Variants in GRM5 observed in about 807,000 individuals in gnomAD.
GRM5 encodes the protein glutamate metabotropic receptor 5.
GRM5 carries 19 observed loss-of-function variants against 83.1 expected under a neutral mutation model. The ratio of observed to expected loss-of-function variants is 0.23; its 90% CI spans 0.16 to 0.34. GRM5 has a LOEUF of 0.34. GRM5 is among the 10% of genes least tolerant of loss of function. The pLI is 1.00. For synonymous variants in GRM5, 675 were observed against 633.6 expected, an observed-to-expected ratio of 1.07 and a Z score of -0.98; for missense variants, 1,160 against 1,588.3, an observed-to-expected ratio of 0.73 and a Z score of 4.58.
At chr11:89,009,900 CAAAAAAAAAAAAAAAAA>C (rs758398638) in intron 2 of GRM5, among the ~76,000 whole-genome samples, 3 of 21,688 alleles carry the variant, frequency 1.4e-4, no homozygotes, top group African/African-American at 3.5e-4. Context: ...GACTCCGTCT[CAAAAAAAAAAAAAAAAA>C]AAAAAAAAAA....
At chr11:89,000,332 A>G (rs1022616180) in intron 2 of GRM5, among the ~76,000 whole-genome samples, 6 of 152,318 alleles carry the variant, frequency 3.9e-5, no homozygotes, top group African/African-American at 7.2e-5. Flanking sequence ...TATAATTACA[A>G]TAGTCCACAA....
chr11:88,719,835 T>C (rs1941491058), intron 3 of GRM5, among the ~76,000 whole-genome samples: 2 of 152,092 alleles, frequency 1.3e-5, no homozygotes, highest in African/African-American at 4.8e-5. Context: ...CATTTTATCA[T>C]ATAATTGTTG....
intron 2 of GRM5, among the ~76,000 whole-genome samples, chr11:88,956,759 T>C (rs1392330633): frequency 6.6e-6 from 1 of 152,162 alleles, no homozygotes; most frequent in Non-Finnish European, 1.5e-5. Flanking sequence ...TGAGCCGAGA[T>C]TGCGCCACTG....
chr11:89,059,248 T>A (rs1941939669), intron 1 of GRM5, among the ~76,000 whole-genome samples: 1 of 152,186 alleles, frequency 6.6e-6, no homozygotes, highest in Non-Finnish European at 1.5e-5. Flanking sequence ...AGAAAATATA[T>A]ATTTTGCATC....
intron 3 of GRM5, among the ~76,000 whole-genome samples, chr11:88,665,176 C>CAT (rs1565177632): frequency 6.6e-6 from 1 of 151,628 alleles, no homozygotes; most frequent in Non-Finnish European, 1.5e-5. Context: ...CACACACACA[C>CAT]ACACACACAC....
intron 4 of GRM5, among the ~76,000 whole-genome samples, chr11:88,649,173 GTATATATTA>G (rs1939554918): frequency 7.3e-6 from 1 of 136,286 alleles, no homozygotes; most frequent in South Asian, 2.2e-4. Flanking sequence ...ACATGTGTAT[GTATATATTA>G]TATATGTTAT....
intron 2 of GRM5, among the ~76,000 whole-genome samples, chr11:88,970,772 T>G (rs1284227703): frequency 2.0e-5 from 3 of 152,188 alleles, no homozygotes; most frequent in African/African-American, 7.2e-5. Context: ...AGCTTTCAGG[T>G]GTTGTACACA....
chr11:88,770,296 A>G (rs1942707167), intron 3 of GRM5, among the ~76,000 whole-genome samples: 1 of 152,092 alleles, frequency 6.6e-6, no homozygotes, highest in Admixed American at 6.6e-5. Context: ...GATAAAAACA[A>G]AGGGAATCTT....
At chr11:88,886,178 C>G (rs138658109) in intron 2 of GRM5, among the ~76,000 whole-genome samples, 5,735 of 152,252 alleles carry the variant, frequency 0.038, 285 homozygotes, top group Admixed American at 0.15. Flanking sequence ...AAAGCTGTTT[C>G]TCTTTCTCTT....
intron 2 of GRM5, among the ~76,000 whole-genome samples, chr11:88,997,068 T>G (rs1249934270): frequency 6.6e-6 from 1 of 152,158 alleles, no homozygotes; most frequent in Non-Finnish European, 1.5e-5. Context: ...CTCACACCTG[T>G]AATCCCAGCA....
At chr11:88,533,585 G>C (rs1942066046) in intron 8 of GRM5, among the ~76,000 whole-genome samples, 1 of 151,992 alleles carries the variant, frequency 6.6e-6, no homozygotes, top group African/African-American at 2.4e-5. Flanking sequence ...CTCTATGAAG[G>C]CATGGGTTCT....
chr11:88,640,323 G>T (rs1243238908), intron 4 of GRM5, among the ~76,000 whole-genome samples: 3 of 152,060 alleles, frequency 2.0e-5, no homozygotes, highest in East Asian at 3.9e-4. Context: ...CTAAAGTATG[G>T]TGCTAATCAG....
intron 2 of GRM5, among the ~76,000 whole-genome samples, chr11:88,911,691 A>G (rs1183020417): frequency 6.6e-6 from 1 of 152,150 alleles, no homozygotes; most frequent in Non-Finnish European, 1.5e-5. Flanking sequence ...TTATTCGTAA[A>G]TTGAGCAAGT....
rs569754555 is a variant in GRM5 at position 88,599,840 on chromosome 11, C to T, written c.1395-2488G>A. ...CATCCTGGCTAACATGGTGAAACCCCGTCTCTACTAAAAATAAAAAAAATT... is the reference window on the plus strand; with the variant it reads ...CATCCTGGCTAACATGGTGAAACCCTGTCTCTACTAAAAATAAAAAAAATT... On this transcript the variant is annotated intron_variant, in intron 5 of 9. Transcript: ENST00000305447. Among the ~76,000 whole-genome samples the T allele has an allele frequency of 4.6e-5, 7 of 152,010 alleles. No homozygotes were observed. The South Asian group carries it at 6.3e-4, about 14-fold the overall frequency.
At chr11:88,831,915 C>A (rs1289445987) in intron 3 of GRM5, among the ~76,000 whole-genome samples, 1 of 152,162 alleles carries the variant, frequency 6.6e-6, no homozygotes, top group African/African-American at 2.4e-5. Flanking sequence ...CTAGCCTGAG[C>A]CCGTTAACAT....
At chr11:88,730,085 GA>G (rs770755498) in intron 3 of GRM5, among the ~76,000 whole-genome samples, 42 of 152,262 alleles carry the variant, frequency 2.8e-4, no homozygotes, top group Non-Finnish European at 4.4e-4. Flanking sequence ...TCATCAGAGT[GA>G]ACAGGCAACC....
intron 7 of GRM5, among the ~76,000 whole-genome samples, chr11:88,571,391 A>T (rs1045923822): frequency 6.6e-6 from 1 of 152,208 alleles, no homozygotes; most frequent in African/African-American, 2.4e-5. Context: ...AAAGTCTTAC[A>T]TTTAGTTTGA....
intron 2 of GRM5, among the ~76,000 whole-genome samples, chr11:88,982,637 C>T (rs898360438): frequency 6.6e-6 from 1 of 152,046 alleles, no homozygotes. Context: ...TTGTTTTATA[C>T]ACACACAATA....
At chr11:88,999,193 C>A (rs1940289897) in intron 2 of GRM5, among the ~76,000 whole-genome samples, 1 of 152,144 alleles carries the variant, frequency 6.6e-6, no homozygotes, top group African/African-American at 2.4e-5. Context: ...GACTTCATGT[C>A]TAAAACACCA....
Sources: allele counts gnomAD v4.1 joint callset (sites outside exome capture counted in the v4.1 genomes callset), GRCh38; gene constraint gnomAD v4.1.1; transcripts MANE v1.5; gene names NCBI Gene and HGNC (gene_info 2026-07-23, HGNC 2026-07-21).